CILK1: variants seen among roughly 807,000 people sequenced by gnomAD.
The protein encoded by CILK1 is ciliogenesis associated kinase 1.
A neutral mutation model predicts 79.2 loss-of-function variants in CILK1; 47 were observed. The ratio of observed to expected loss-of-function variants is 0.59; its 90% CI spans 0.47 to 0.76. CILK1 has a LOEUF of 0.76. Among genes scored for constraint, CILK1 ranks in the 30% least tolerant of loss-of-function variants. The pLI is 0.00. For synonymous variants in CILK1, 266 were observed against 275.9 expected (o/e 0.96, Z 0.36); for missense variants, 660 against 769.5 (o/e 0.86, Z 1.68).
intron 5 of CILK1, among the ~76,000 whole-genome samples, chr6:53,026,735 G>A (rs1765606683): frequency 6.6e-6 from 1 of 152,150 alleles, no homozygotes; most frequent in Non-Finnish European, 1.5e-5. Flanking sequence ...GATTCACAAT[G>A]GAAACCCTTT....
intron 1 of CILK1, among the ~76,000 whole-genome samples, chr6:53,056,168 A>G (rs1767853125): frequency 6.6e-6 from 1 of 152,248 alleles, no homozygotes; most frequent in South Asian, 2.1e-4. Flanking sequence ...CGGTAGTTAC[A>G]AGGACAGCCA....
chr6:53,034,776 G>T (rs1581730726), intron 3 of CILK1, among the ~76,000 whole-genome samples: 1 of 152,292 alleles, frequency 6.6e-6, no homozygotes, highest in East Asian at 1.9e-4. Flanking sequence ...AGTGTCAAGG[G>T]AATGACAGAA....
intron 5 of CILK1, among the ~76,000 whole-genome samples, chr6:53,025,780 A>C (rs1011523420): frequency 6.6e-6 from 1 of 152,222 alleles, no homozygotes; most frequent in Admixed American, 6.5e-5. Context: ...AAATTTGTGA[A>C]TATATCTGTA....
Position 53,032,629 on chromosome 6 carries a change from T to G in CILK1, c.182A>C (p.Asn61Thr), listed in dbSNP as rs769604481. The change falls in exon 4 of 14, where the codon AAT becomes ACT. Residue 61 changes from asparagine to threonine, a missense_variant. Asn to Thr is a moderately conservative substitution (Grantham distance 65). Transcript: ENST00000676107. ...VKSLKKLNHA[N>T]VVKLKEVIRE... ...GATAACTTCTTTTAATTTGACTACA[T>G]TGGCATGGTTGAGCTTCTTTAAAGA... 1.2e-6 allele frequency: 2 copies of G among 1,606,490 alleles called. No individual in the cohort carries two copies. Among genetic ancestry groups the G allele is most frequent in the Non-Finnish European group, 1.7e-6 (2 of 1,174,618 alleles).
chr6:53,038,479 T>C (rs1766500113), intron 2 of CILK1, among the ~76,000 whole-genome samples: 1 of 152,214 alleles, frequency 6.6e-6, no homozygotes, highest in Admixed American at 6.5e-5. Context: ...CTTGCTATCA[T>C]ACTAGACAGC....
chr6:53,047,371 C>T lies in CILK1; in HGVS notation c.-172-5963G>A, dbSNP rs117585386. Among the ~76,000 whole-genome samples, 41 of 151,198 alleles carry T rather than the reference C, an allele frequency of 2.7e-4. No homozygotes were observed. The East Asian group carries it at 6.5e-3, about 24-fold the overall frequency. ...CAGGCTGGAGTACAGTGGTGAAAAT[C>T]ACAGCTCACTGTGGCCTCAACCTCC... On this transcript the variant is annotated intron_variant, in intron 1 of 13. Coordinates refer to ENST00000676107, the MANE Select transcript of CILK1 (RefSeq NM_014920.5).
chr6:53,021,596 A>G (rs1211998493), intron 5 of CILK1, among the ~76,000 whole-genome samples: 9 of 152,156 alleles, frequency 5.9e-5, no homozygotes. Flanking sequence ...CAATACATGT[A>G]AAGTGTGCTC....
At chr6:53,037,369 A>C (rs1375349943) in intron 3 of CILK1, among the ~76,000 whole-genome samples, 2 of 137,330 alleles carry the variant, frequency 1.5e-5, no homozygotes, top group Non-Finnish European at 1.6e-5. Context: ...GGTGCTCCAC[A>C]ATGCTTGACA....
At position 53,022,792 on chromosome 6, in the gene CILK1, A is replaced by T. The variant is rs113909369; in HGVS notation, c.359-3433T>A. ...TCATTCATTCTACCAACACATTTTC[A>T]CTGAGCATCTGCTCCATGCCAGGCA... On this transcript the variant is annotated intron_variant, in intron 5 of 13. Coordinates refer to ENST00000676107, the MANE Select transcript of CILK1 (RefSeq NM_014920.5). Among the ~76,000 whole-genome samples, 356 of 152,232 alleles carry T rather than the reference A, an allele frequency of 2.3e-3. 1 individual carries two copies. Among genetic ancestry groups the T allele is most frequent in the Non-Finnish European group, 3.3e-3 (226 of 68,022 alleles).
rs147415754 is a variant in CILK1 at position 53,046,184 on chromosome 6, C to T, written c.-172-4776G>A. Among the ~76,000 whole-genome samples, 517 of 152,312 alleles carry T rather than the reference C, an allele frequency of 3.4e-3. 1 individual carries two copies. Among genetic ancestry groups the T allele is most frequent in the African/African-American group, 9.4e-3 (391 of 41,572 alleles). On this transcript the variant is annotated intron_variant, in intron 1 of 13. Transcript: ENST00000676107. Reference sequence around the variant, plus strand: ...GAAGCATTTTCCACTCCTTTAATTACCTTTGGCATTCATCTCTGAATCCTC... The same window carrying T: ...GAAGCATTTTCCACTCCTTTAATTATCTTTGGCATTCATCTCTGAATCCTC...
chr6:53,016,446 TGAAATCTGGGGGAATAGTG>T (rs1228835102), intron 7 of CILK1, among the ~76,000 whole-genome samples, 196 bp from the exon 8 acceptor site: 1 of 151,900 alleles, frequency 6.6e-6, no homozygotes, highest in Non-Finnish European at 1.5e-5. Context: ...ACCAAGACCA[TGAAATCTGGGGGAATAGTG>T]GAAAAGACAC....
intron 5 of CILK1, among the ~76,000 whole-genome samples, chr6:53,026,887 G>A (rs898317315): frequency 3.9e-5 from 6 of 152,056 alleles, no homozygotes; most frequent in African/African-American, 7.2e-5. Flanking sequence ...AATAACAGAG[G>A]GATTTTCTTT....
chr6:53,038,258 C>A (rs1255842075), intron 2 of CILK1, among the ~76,000 whole-genome samples: 1 of 152,146 alleles, frequency 6.6e-6, no homozygotes, highest in Non-Finnish European at 1.5e-5. Flanking sequence ...AACTAACTAA[C>A]CTTGCTCTGG....
At chr6:53,009,321 C>A in intron 12 of CILK1, 118 bp downstream of exon 12, 1 of 985,866 alleles carries the variant, frequency 1.0e-6, no homozygotes, top group Non-Finnish European at 1.6e-6. Flanking sequence ...GAGGCCTGAG[C>A]TTTCAGATGA....
At chr6:53,016,716 AG>A (rs1324663788) in intron 7 of CILK1, among the ~76,000 whole-genome samples, 2 of 152,244 alleles carry the variant, frequency 1.3e-5, no homozygotes, top group Non-Finnish European at 2.9e-5. Flanking sequence ...GGAGAAAACC[AG>A]CAGTAAAGAA....
At chr6:53,018,652 C>T in intron 6 of CILK1, 151 bp from the exon 7 acceptor site, 1 of 743,696 alleles carries the variant, frequency 1.3e-6, no homozygotes, top group South Asian at 1.9e-5. Context: ...TTGGCAACTG[C>T]CGTGGGCTGC....
intron 11 of CILK1, among the ~76,000 whole-genome samples, chr6:53,010,797 T>C (rs1291098507): frequency 6.6e-6 from 1 of 152,196 alleles, no homozygotes; most frequent in Non-Finnish European, 1.5e-5. Flanking sequence ...ACTATTTGTC[T>C]ATTTGTTAAA....
intron 1 of CILK1, among the ~76,000 whole-genome samples, chr6:53,047,444 A>C (rs1767157975): frequency 7.2e-6 from 1 of 138,692 alleles, no homozygotes; most frequent in Non-Finnish European, 1.5e-5. Flanking sequence ...AGCTGGGAGT[A>C]CTTGGTGTAC....
chr6:53,004,894 T>C lies in CILK1; in HGVS notation c.*255A>G, dbSNP rs1764128333. On this transcript the variant is annotated 3_prime_UTR_variant, in exon 14 of 14. Coordinates refer to ENST00000676107, the MANE Select transcript of CILK1 (RefSeq NM_014920.5). ...TAAAACATAATCCATATATACAAAATGCTGTTGTTTAAGAAAATAATGGGA... is the reference window on the plus strand; with the variant it reads ...TAAAACATAATCCATATATACAAAACGCTGTTGTTTAAGAAAATAATGGGA... The C allele has an allele frequency of 4.9e-6, 2 of 404,400 alleles. No individual in the cohort carries two copies. Among genetic ancestry groups the C allele is most frequent in the Non-Finnish European group, 8.9e-6 (2 of 223,878 alleles). The allele number at this position is 404,400 out of a possible 1,614,324, so 25.1% of individuals were successfully genotyped here. A position where few individuals can be genotyped will look rare whatever the true frequency, so the allele number is the denominator to read the frequency against.
Sources: gnomAD v4.1 joint callset for allele counts (sites outside exome capture counted in the v4.1 genomes callset) on GRCh38, gnomAD v4.1.1 for gene constraint, MANE v1.5 for transcripts, NCBI Gene and HGNC (gene_info 2026-07-23, HGNC 2026-07-21) for gene names.